ITGB8: variants seen among roughly 807,000 people sequenced by gnomAD.
ITGB8 encodes the protein integrin subunit beta 8.
Under a neutral mutation model 89.5 loss-of-function variants are expected in ITGB8, and 30 were observed. That is an observed-to-expected ratio of 0.34 (90% CI 0.25 to 0.45). The LOEUF is 0.45. ITGB8 is among the 20% of genes least tolerant of loss of function. The pLI is 1.00. For synonymous variants in ITGB8, 335 were observed against 320.4 expected (o/e 1.05, Z -0.49); for missense variants, 836 against 933.3 (o/e 0.90, Z 1.36).
chr7:20,389,850 C>T (rs1446685556), intron 6 of ITGB8, among the ~76,000 whole-genome samples: 3 of 124,868 alleles, frequency 2.4e-5, no homozygotes, highest in African/African-American at 5.8e-5. Flanking sequence ...TTTTTTTTTT[C>T]CATTGCTTTA....
At chr7:20,340,593 A>G (rs1784725096) in intron 1 of ITGB8, among the ~76,000 whole-genome samples, 1 of 152,256 alleles carries the variant, frequency 6.6e-6, no homozygotes, top group Non-Finnish European at 1.5e-5. Flanking sequence ...AAATGAAGCC[A>G]CAGTTAAAAG....
chr7:20,389,218 G>A (rs1392063679), intron 6 of ITGB8, among the ~76,000 whole-genome samples: 2 of 152,160 alleles, frequency 1.3e-5, no homozygotes, highest in Non-Finnish European at 2.9e-5. Context: ...TTCCACAATG[G>A]TTGGACTAAT....
At chr7:20,358,347 T>G (rs1785372162) in intron 1 of ITGB8, among the ~76,000 whole-genome samples, 1 of 152,162 alleles carries the variant, frequency 6.6e-6, no homozygotes, top group Admixed American at 6.5e-5. Flanking sequence ...ACAGTTATAC[T>G]TCTAAAGCAC....
chr7:20,392,213 C>G (rs1025671035), intron 7 of ITGB8, among the ~76,000 whole-genome samples: 6 of 152,140 alleles, frequency 3.9e-5, no homozygotes, highest in African/African-American at 1.4e-4. Flanking sequence ...TTTCATGAAG[C>G]TATGACACCC....
intron 1 of ITGB8, among the ~76,000 whole-genome samples, chr7:20,348,926 G>T (rs1268006356): frequency 6.6e-6 from 1 of 152,128 alleles, no homozygotes; most frequent in Non-Finnish European, 1.5e-5. Context: ...GGACCATTTG[G>T]GGAAATATGG....
upstream of ITGB8, among the ~76,000 whole-genome samples, chr7:20,330,524 A>G (rs1784338929): frequency 6.6e-6 from 1 of 152,160 alleles, no homozygotes. Context: ...GAGGCGTGCC[A>G]TTCCTGTTGC....
At chr7:20,355,227 G>C (rs752366025) in intron 1 of ITGB8, among the ~76,000 whole-genome samples, 8 of 152,144 alleles carry the variant, frequency 5.3e-5, no homozygotes, top group African/African-American at 1.4e-4. Context: ...CAGGCCCCAG[G>C]CTCCCAGGTG....
intron 1 of ITGB8, 127 bp downstream of exon 1, chr7:20,332,060 G>A: frequency 1.4e-6 from 2 of 1,464,560 alleles, no homozygotes; most frequent in Non-Finnish European, 1.8e-6. Context: ...AAGGGGGCGG[G>A]TGCGGGGCAG....
At chr7:20,396,790 G>C (rs981409829) in intron 8 of ITGB8, among the ~76,000 whole-genome samples, 8 of 152,206 alleles carry the variant, frequency 5.3e-5, no homozygotes, top group Non-Finnish European at 1.0e-4. Context: ...ATTTTTACCT[G>C]TGTGTCAGAC....
At chr7:20,356,108 C>G (rs150322951) in intron 1 of ITGB8, among the ~76,000 whole-genome samples, 305 of 152,300 alleles carry the variant, frequency 2.0e-3, no homozygotes, top group African/African-American at 7.0e-3. Context: ...CCTTTTCTCT[C>G]ACGCCCATTT....
chr7:20,371,848 T>C (rs1349007664), intron 3 of ITGB8, among the ~76,000 whole-genome samples: 1 of 152,228 alleles, frequency 6.6e-6, no homozygotes, highest in African/African-American at 2.4e-5. Context: ...TTAATGTAGA[T>C]TGTTACATTA....
chr7:20,368,183 A>T (rs1033601960), intron 3 of ITGB8, among the ~76,000 whole-genome samples: 1 of 152,204 alleles, frequency 6.6e-6, no homozygotes, highest in African/African-American at 2.4e-5. Flanking sequence ...TCTTTCCCAT[A>T]TTAAATAATG....
chr7:20,378,097 A>T (rs2127958407), intron 3 of ITGB8, among the ~76,000 whole-genome samples: 1 of 152,370 alleles, frequency 6.6e-6, no homozygotes, highest in South Asian at 2.1e-4. Flanking sequence ...CTTACATTTA[A>T]ATAGATGCCT....
At chr7:20,337,422 C>T in intron 1 of ITGB8, among the ~76,000 whole-genome samples, 1 of 152,152 alleles carries the variant, frequency 6.6e-6, no homozygotes, top group East Asian at 1.9e-4. Flanking sequence ...TTATGACAGG[C>T]ACTATACTGA....
intron 7 of ITGB8, among the ~76,000 whole-genome samples, chr7:20,393,817 A>G (rs1381011048): frequency 2.0e-5 from 3 of 152,168 alleles, no homozygotes; most frequent in African/African-American, 4.8e-5. Context: ...GGCATGGCTT[A>G]TAAGTCATCT....
intron 10 of ITGB8, among the ~76,000 whole-genome samples, chr7:20,403,523 T>C (rs1487666069): frequency 3.9e-5 from 6 of 152,304 alleles, no homozygotes; most frequent in South Asian, 4.1e-4. Context: ...CTAGTCTCCT[T>C]TGGGAATAAA....
chr7:20,398,586 A>G (rs898315825), intron 8 of ITGB8, among the ~76,000 whole-genome samples: 2 of 152,220 alleles, frequency 1.3e-5, no homozygotes, highest in Non-Finnish European at 2.9e-5. Context: ...CAGACTGATA[A>G]ATATCTTTGA....
At chr7:20,405,412 G>A (rs948232242) in intron 11 of ITGB8, among the ~76,000 whole-genome samples, 4 of 150,264 alleles carry the variant, frequency 2.7e-5, no homozygotes, top group Non-Finnish European at 3.0e-5. Context: ...CCGGGTTCAC[G>A]CCATTCTCTT....
At chr7:20,379,367 T>C in intron 4 of ITGB8, 70 bp downstream of exon 4, 1 of 1,021,172 alleles carries the variant, frequency 9.8e-7, no homozygotes, top group Non-Finnish European at 1.3e-6. Flanking sequence ...GTTTTTAATG[T>C]AAAGAACTTA....
Sources: gnomAD v4.1 joint callset for allele counts (sites outside exome capture counted in the v4.1 genomes callset) on GRCh38, gnomAD v4.1.1 for gene constraint, MANE v1.5 for transcripts, NCBI Gene and HGNC (gene_info 2026-07-23, HGNC 2026-07-21) for gene names.